The following HIVEP3 variants were observed in gnomAD, a reference collection of about 807,000 sequenced individuals.
The protein encoded by HIVEP3 is HIVEP zinc finger 3.
Under a neutral mutation model 152.8 loss-of-function variants are expected in HIVEP3, and 49 were observed. That is an observed-to-expected ratio of 0.32 (90% CI 0.26 to 0.41). The LOEUF (loss-of-function observed/expected upper bound fraction) is 0.41. Ranked by LOEUF, HIVEP3 falls within the 10% of genes least tolerant of loss-of-function variation. The pLI, the probability that HIVEP3 is intolerant of heterozygous loss-of-function variation, is 1.00. For missense variants in HIVEP3, 2,790 were observed against 3,103.3 expected, an observed-to-expected ratio of 0.90 and a Z score of 2.40; for synonymous variants, 1,269 against 1,289.0, an observed-to-expected ratio of 0.98 and a Z score of 0.33.
chr1:41,779,435 G>A (rs974940232), intron 1 of HIVEP3, among the ~76,000 whole-genome samples: 1 of 152,238 alleles, frequency 6.6e-6, no homozygotes, highest in Non-Finnish European at 1.5e-5. Context: ...AAGCACATAT[G>A]GAATAGTACT....
intron 3 of HIVEP3, among the ~76,000 whole-genome samples, chr1:41,609,568 CT>C (rs1644869315): frequency 6.6e-6 from 1 of 152,262 alleles, no homozygotes; most frequent in Non-Finnish European, 1.5e-5. Flanking sequence ...CCACCCCATC[CT>C]CTAAGGTTGC....
intron 3 of HIVEP3, among the ~76,000 whole-genome samples, chr1:41,598,741 A>G (rs1336520835): frequency 1.3e-5 from 2 of 152,220 alleles, no homozygotes; most frequent in African/African-American, 4.8e-5. Context: ...ACAAAGAGAC[A>G]CAAGAAGATC....
At chr1:41,773,555 T>C (rs888483761) in intron 1 of HIVEP3, among the ~76,000 whole-genome samples, 2 of 152,222 alleles carry the variant, frequency 1.3e-5, no homozygotes, top group Non-Finnish European at 2.9e-5. Context: ...GCCTCCAAGA[T>C]GCTGTTTTGG....
chr1:41,920,945 CTCTA>C (rs748369531), upstream of HIVEP3, among the ~76,000 whole-genome samples: 1 of 152,178 alleles, frequency 6.6e-6, no homozygotes, highest in Non-Finnish European at 1.5e-5. Context: ...GTAAACTAAA[CTCTA>C]TCTCTCTGTC....
chr1:41,829,386 T>C (rs1272878158), intron 1 of HIVEP3, among the ~76,000 whole-genome samples: 1 of 152,178 alleles, frequency 6.6e-6, no homozygotes, highest in East Asian at 1.9e-4. Context: ...GAATTCATCC[T>C]GACCTTCCCT....
intron 1 of HIVEP3, among the ~76,000 whole-genome samples, chr1:41,949,495 C>A (rs1050975024): frequency 6.6e-6 from 1 of 152,088 alleles, no homozygotes; most frequent in Non-Finnish European, 1.5e-5. Flanking sequence ...GAGGGGGAAC[C>A]TGTTTATTTT....
chr1:41,704,935 A>G (rs1646411952), intron 1 of HIVEP3, among the ~76,000 whole-genome samples: 1 of 152,214 alleles, frequency 6.6e-6, no homozygotes, highest in Non-Finnish European at 1.5e-5. Context: ...CACTGGCTCC[A>G]TAGACTGTTT....
rs144759096 is a variant in HIVEP3, at chr1:41,510,981, C to A, written c.6691G>T (p.Asp2231Tyr). Residue 2231 changes from aspartate to tyrosine, a missense_variant, in exon 9 of 9, where the codon GAC becomes TAC. Around this residue, in one of 9 missense-constraint regions of HIVEP3, gnomAD observed 816 missense variants for 806.5 expected, o/e 1.01. Coordinates refer to ENST00000372583, the MANE Select transcript of HIVEP3 (RefSeq NM_024503.5). The part of the protein sequence containing the change: ...WVSGFSGGGS[D>Y]LTGAREAQER... ...TGGGCCTCCCGGGCCCCTGTCAGGT[C>A]GCTGCCACCCCCGGAGAAGCCACTG... 2 of 1,613,478 alleles carry A rather than the reference C, an allele frequency of 1.2e-6. No homozygotes were observed. The highest frequency in any genetic ancestry group is 1.1e-5 in the South Asian group (1 of 91,048).
intron 3 of HIVEP3, among the ~76,000 whole-genome samples, chr1:41,622,118 G>A (rs902780701): frequency 6.6e-6 from 1 of 152,340 alleles, no homozygotes; most frequent in Admixed American, 6.5e-5. Context: ...TGCTTACTGA[G>A]CACCTGCAGA....
At chr1:41,550,043 A>T (rs1226806323) in intron 5 of HIVEP3, among the ~76,000 whole-genome samples, 1 of 152,152 alleles carries the variant, frequency 6.6e-6, no homozygotes, top group Non-Finnish European at 1.5e-5. Flanking sequence ...TCTTGAATTA[A>T]TTTTTGTATA....
intron 1 of HIVEP3, among the ~76,000 whole-genome samples, chr1:41,744,272 C>G (rs1443732044): frequency 1.3e-5 from 2 of 152,212 alleles, no homozygotes; most frequent in Non-Finnish European, 2.9e-5. Flanking sequence ...ATCTCCTGAC[C>G]TCGTGATCCA....
rs1570016324 is a variant in HIVEP3, at chr1:41,585,439, C to A, written c.-521-121G>T. 2.8e-5 allele frequency: 11 copies of A among 397,626 alleles called. No homozygotes were observed. In the East Asian group the frequency reaches 3.2e-4, roughly 12 times the overall value. The allele number at this position is 397,626 out of a possible 1,614,324, so 24.6% of individuals were successfully genotyped here. A position where few individuals can be genotyped will look rare whatever the true frequency, so the allele number is the denominator to read the frequency against. ...GGTGCCACACCTGGCTGAGACCCCT[C>A]AAAAGTTAACCAGGGAAACTCAAGC... On this transcript the variant is annotated intron_variant, in intron 3 of 8. Coordinates refer to ENST00000372583, the MANE Select transcript of HIVEP3 (RefSeq NM_024503.5).
At chr1:41,694,825 C>A (rs552767774) in intron 2 of HIVEP3, among the ~76,000 whole-genome samples, 1 of 152,186 alleles carries the variant, frequency 6.6e-6, no homozygotes, top group East Asian at 1.9e-4. Context: ...GATCACTAGT[C>A]TCATTTTGCA....
intron 2 of HIVEP3, among the ~76,000 whole-genome samples, chr1:41,667,034 T>A (rs2124061027): frequency 6.6e-6 from 1 of 152,278 alleles, no homozygotes. Flanking sequence ...AGAGGCCACT[T>A]CCCTTGTGAA....
At chr1:41,530,809 T>G (rs1391912208) in intron 5 of HIVEP3, among the ~76,000 whole-genome samples, 2 of 152,090 alleles carry the variant, frequency 1.3e-5, no homozygotes, top group African/African-American at 4.8e-5. Context: ...CTCCTCCACA[T>G]CAAGCTTAAA....
intron 1 of HIVEP3, among the ~76,000 whole-genome samples, chr1:41,994,569 T>C (rs1284631713): frequency 6.6e-6 from 1 of 152,164 alleles, no homozygotes; most frequent in African/African-American, 2.4e-5. Context: ...ACTCTCTCTA[T>C]CTCTCTTGCT....
At chr1:41,616,742 T>C (rs1291982141) in intron 3 of HIVEP3, among the ~76,000 whole-genome samples, 1 of 151,762 alleles carries the variant, frequency 6.6e-6, no homozygotes, top group African/African-American at 2.4e-5. Context: ...CTTGTGCTAC[T>C]GCACCTGCTC....
intron 1 of HIVEP3, among the ~76,000 whole-genome samples, chr1:41,927,407 T>C (rs1644973483): frequency 1.3e-5 from 2 of 152,128 alleles, no homozygotes; most frequent in African/African-American, 4.8e-5. Flanking sequence ...AAGACAAACA[T>C]ACCAAAGTCA....
At chr1:41,672,910 G>C (rs557750207) in intron 2 of HIVEP3, among the ~76,000 whole-genome samples, 1 of 152,366 alleles carries the variant, frequency 6.6e-6, no homozygotes, top group South Asian at 2.1e-4. Flanking sequence ...GATGATTTAA[G>C]TGTTAAGGAA....
Sources: gnomAD v4.1 joint callset for allele counts (sites outside exome capture counted in the v4.1 genomes callset) on GRCh38, gnomAD v4.1.1 for gene constraint, gnomAD v4.1.1 regional missense constraint, MANE v1.5 for transcripts, NCBI Gene and HGNC (gene_info 2026-07-23, HGNC 2026-07-21) for gene names.